WASF3: variants seen among roughly 807,000 people sequenced by gnomAD.
WASF3 encodes the protein WASP family member 3, also known as actin-binding protein WASF3.
In WASF3, 11 loss-of-function variants were observed where a neutral mutation model predicts 46.6. That is an observed-to-expected ratio of 0.24 (90% CI 0.15 to 0.39). The LOEUF is 0.39. Ranked by LOEUF, WASF3 falls within the 10% of genes least tolerant of loss-of-function variation. The pLI, the probability that WASF3 is intolerant of heterozygous loss-of-function variation, is 1.00. For synonymous variants in WASF3, 242 were observed against 259.7 expected, an observed-to-expected ratio of 0.93 and a Z score of 0.65; for missense variants, 576 against 669.8, an observed-to-expected ratio of 0.86 and a Z score of 1.55.
chr13:26,620,759 T>G (rs1170775636), intron 2 of WASF3: 1 of 152,216 alleles, frequency 6.6e-6, no homozygotes, highest in Non-Finnish European at 1.5e-5. Flanking sequence ...GACCTAGACT[T>G]CAAATCCCTA....
intron 3 of WASF3, among the ~76,000 whole-genome samples, chr13:26,647,806 AT>A (rs1242386861): frequency 1.3e-5 from 2 of 152,140 alleles, no homozygotes; most frequent in Admixed American, 1.3e-4. Context: ...TATTAAGATA[AT>A]ATAGAAAATT....
intron 6 of WASF3, among the ~76,000 whole-genome samples, chr13:26,675,205 T>C (rs1013197474): frequency 1.5e-4 from 23 of 152,170 alleles, no homozygotes; most frequent in Non-Finnish European, 2.9e-5. Context: ...CTTCCCTTCT[T>C]GTTCTTTAAT....
chr13:26,597,063 A>T (rs1372093225), intron 1 of WASF3, among the ~76,000 whole-genome samples: 2 of 152,176 alleles, frequency 1.3e-5, no homozygotes, highest in African/African-American at 4.8e-5. Context: ...AGGATCATAT[A>T]TGGATGTACC....
chr13:26,665,380 A>T (rs953000677), intron 4 of WASF3, among the ~76,000 whole-genome samples: 8 of 152,350 alleles, frequency 5.3e-5, no homozygotes, highest in Admixed American at 2.0e-4. Context: ...ACTCTTTTTT[A>T]AAAAATTACA....
intron 1 of WASF3, among the ~76,000 whole-genome samples, chr13:26,581,236 T>A (rs1439908084): frequency 1.3e-5 from 2 of 152,128 alleles, no homozygotes; most frequent in South Asian, 2.1e-4. Flanking sequence ...CTGGTCAAAT[T>A]TCTTTTTTTT....
the WASF3 span, among the ~76,000 whole-genome samples, chr13:26,543,220 T>C: frequency 1.3e-5 from 2 of 152,150 alleles, no homozygotes; most frequent in African/African-American, 4.8e-5. Context: ...CTGGAAGCAT[T>C]CCTGCTTTTC....
chr13:26,599,410 C>T (rs764782543), intron 1 of WASF3, among the ~76,000 whole-genome samples: 31 of 152,128 alleles, frequency 2.0e-4, no homozygotes, highest in Admixed American at 6.5e-4. Flanking sequence ...TTGCCTTCCT[C>T]CTGGTGTCAG....
rs191073158 is a variant in WASF3, at chr13:26,590,240, C to T, written c.-108-22721C>T. 7.2e-5 allele frequency among the ~76,000 whole-genome samples: 11 copies of T among 152,160 alleles called. 1 individual carries two copies. The East Asian group carries it at 9.7e-4, about 13-fold the overall frequency. ...CCTCTGCTGAGAGGCCCCCCCAACACCTGTTAAATCACAGAGAAAAAAGTA... is the reference window on the plus strand; with the variant it reads ...CCTCTGCTGAGAGGCCCCCCCAACATCTGTTAAATCACAGAGAAAAAAGTA... On this transcript the variant is annotated intron_variant, in intron 1 of 9. Coordinates refer to ENST00000335327, the MANE Select transcript of WASF3 (RefSeq NM_006646.6).
chr13:26,642,452 A>G, intron 3 of WASF3, 49 bp downstream of exon 3: 1 of 1,540,820 alleles, frequency 6.5e-7, no homozygotes, highest in Non-Finnish European at 8.7e-7. Context: ...TTTTGTTAGC[A>G]AATTGATTTT....
Position 26,679,880 on chromosome 13 carries a change from A to G in WASF3, c.717-1174A>G, listed in dbSNP as rs1883173337. Among the ~76,000 whole-genome samples, 1 of 152,230 alleles carries G rather than the reference A, an allele frequency of 6.6e-6. No homozygotes were observed. Among genetic ancestry groups the G allele is most frequent in the African/African-American group, 2.4e-5 (1 of 41,452 alleles). On this transcript the variant is annotated intron_variant, in intron 7 of 9. Coordinates refer to ENST00000335327, the MANE Select transcript of WASF3 (RefSeq NM_006646.6). The surrounding 1 kb of genome is among the most constrained non-coding windows in gnomAD (Gnocchi z 4.8). ...CACTTCAATTAAGGAAGGAAAAAGG[A>G]AAAGAAGCTGTCTCTTCTCATTTGG...
chr13:26,606,075 C>T (rs1880786578), intron 1 of WASF3, among the ~76,000 whole-genome samples: 2 of 152,164 alleles, frequency 1.3e-5, no homozygotes, highest in Admixed American at 1.3e-4. Flanking sequence ...CCTGGTGGTG[C>T]AGTAACAGTA....
At chr13:26,558,611 G>T (rs1374894064) in intron 1 of WASF3, among the ~76,000 whole-genome samples, 1 of 152,190 alleles carries the variant, frequency 6.6e-6, no homozygotes, top group East Asian at 1.9e-4. Context: ...TGGCCCCTCT[G>T]CAAGGGAGAG....
chr13:26,679,885 A>T lies in WASF3; in HGVS notation c.717-1169A>T. On this transcript the variant is annotated intron_variant, in intron 7 of 9. Coordinates refer to ENST00000335327, the MANE Select transcript of WASF3 (RefSeq NM_006646.6). This position sits in a 1 kb window ranked among gnomAD's most constrained non-coding sequence, Gnocchi z 4.8. ...CAATTAAGGAAGGAAAAAGGAAAAG[A>T]AGCTGTCTCTTCTCATTTGGAAGGC... is the stretch of plus-strand genomic sequence containing the variant. 1 of 835,458 alleles carries T rather than the reference A, an allele frequency of 1.2e-6. No homozygotes were observed. The highest frequency in any genetic ancestry group is 1.8e-6 in the Non-Finnish European group (1 of 552,696). The allele number at this position is 835,458 out of a possible 1,614,324, so 51.8% of individuals were successfully genotyped here.
intron 9 of WASF3, among the ~76,000 whole-genome samples, chr13:26,684,965 G>A (rs1479902468): frequency 3.3e-5 from 5 of 152,036 alleles, no homozygotes; most frequent in African/African-American, 1.2e-4. Flanking sequence ...GCGTGCGCCG[G>A]TGGTTCCAGC....
At chr13:26,559,494 T>C (rs1879210289) in intron 1 of WASF3, among the ~76,000 whole-genome samples, 1 of 152,244 alleles carries the variant, frequency 6.6e-6, no homozygotes, top group South Asian at 2.1e-4. Context: ...CACACTTTGC[T>C]AAGTGGTCAT....
intron 4 of WASF3, among the ~76,000 whole-genome samples, chr13:26,667,049 TCTTTC>T (rs528446879): frequency 2.9e-4 from 44 of 152,194 alleles, no homozygotes; most frequent in Non-Finnish European, 4.4e-4. Context: ...CCATTTGCCA[TCTTTC>T]CTTAATGTTT....
Position 26,585,059 on chromosome 13 carries a change from C to G in WASF3, c.-109+27240C>G, listed in dbSNP as rs73166040. Among the ~76,000 whole-genome samples the G allele has an allele frequency of 9.1e-3, 1,357 of 149,862 alleles. 11 individuals are homozygous for G. Among genetic ancestry groups the G allele is most frequent in the Middle Eastern group, 0.017 (5 of 288 alleles). On this transcript the variant is annotated intron_variant, in intron 1 of 9. Coordinates refer to ENST00000335327, the MANE Select transcript of WASF3 (RefSeq NM_006646.6). The stretch of plus-strand genomic sequence containing the variant: ...CATGCCATAAATAATATCATTTTCC[C>G]AAGCAATACTGTGGAATGCAAAAAG...
At chr13:26,554,835 G>T (rs899252312), upstream of WASF3, among the ~76,000 whole-genome samples, 2 of 152,184 alleles carry the variant, frequency 1.3e-5, no homozygotes, top group African/African-American at 4.8e-5. Context: ...TCGTGATTAT[G>T]AATAAACATT....
chr13:26,625,500 G>A (rs2137249810), intron 2 of WASF3, among the ~76,000 whole-genome samples: 1 of 152,304 alleles, frequency 6.6e-6, no homozygotes, highest in African/African-American at 2.4e-5. Flanking sequence ...GAGCTCCAAT[G>A]TCTGAGGGCA....
Sources: allele counts gnomAD v4.1 joint callset (sites outside exome capture counted in the v4.1 genomes callset), GRCh38; gene constraint gnomAD v4.1.1; non-coding constraint Gnocchi (gnomAD v3.1); transcripts MANE v1.5; gene names NCBI Gene and HGNC (gene_info 2026-07-23, HGNC 2026-07-21).